EPHA6: variants seen among roughly 807,000 people sequenced by gnomAD.
EPHA6 encodes the protein ephrin type-A receptor 6.
In EPHA6, 50 loss-of-function variants were observed where a neutral mutation model predicts 112.0. The observed-to-expected ratio is 0.45, with a 90% CI of 0.36 to 0.56. The LOEUF is 0.56. EPHA6 is among the 20% of genes least tolerant of loss of function. The pLI, the probability that EPHA6 is intolerant of heterozygous loss-of-function variation, is 0.00. For synonymous variants in EPHA6, 529 were observed against 490.7 expected (o/e 1.08, Z -1.03); for missense variants, 1,280 against 1,417.4 (o/e 0.90, Z 1.56).
At chr3:97,604,917 C>A (rs1256531058) in intron 12 of EPHA6, among the ~76,000 whole-genome samples, 3 of 151,550 alleles carry the variant, frequency 2.0e-5, no homozygotes, top group East Asian at 3.9e-4. Flanking sequence ...ACATTCAACT[C>A]AAAAAATATG....
At chr3:97,082,557 A>G (rs9872845) in intron 3 of EPHA6, among the ~76,000 whole-genome samples, 23,288 of 151,790 alleles carry the variant, frequency 0.15, 1,986 homozygotes, top group Non-Finnish European at 0.2. Flanking sequence ...TTGCCCTTGC[A>G]TACACTCCCT....
At chr3:97,439,985 G>A (rs2107271792) in intron 6 of EPHA6, among the ~76,000 whole-genome samples, 1 of 152,144 alleles carries the variant, frequency 6.6e-6, no homozygotes, top group African/African-American at 2.4e-5. Flanking sequence ...TCAATCAATT[G>A]ACATTACTAA....
intron 5 of EPHA6, among the ~76,000 whole-genome samples, chr3:97,311,017 G>A (rs1280976334): frequency 1.3e-5 from 2 of 151,544 alleles, no homozygotes; most frequent in Non-Finnish European, 3.0e-5. Flanking sequence ...AACCTGATGA[G>A]TAACATAGAA....
At chr3:97,612,601 ATGTTTAGAAGTAG>A (rs2093729785) in intron 13 of EPHA6, 1 of 217,166 alleles carries the variant, frequency 4.6e-6, no homozygotes, top group African/African-American at 2.3e-5. Flanking sequence ...ATCTTACTAC[ATGTTTAGAAGTAG>A]TGTATTTTAT....
chr3:97,671,316 G>A (rs1173434376), intron 14 of EPHA6, among the ~76,000 whole-genome samples: 1 of 152,152 alleles, frequency 6.6e-6, no homozygotes, highest in Non-Finnish European at 1.5e-5. Flanking sequence ...TTCCCAGGAA[G>A]GCTGGAGCAA....
chr3:97,590,554 A>C (rs556326372), intron 11 of EPHA6, among the ~76,000 whole-genome samples: 1 of 152,196 alleles, frequency 6.6e-6, no homozygotes, highest in East Asian at 1.9e-4. Context: ...ACTACTTTAC[A>C]TATTTTTGTT....
rs150563064 is a variant in EPHA6 at position 97,749,452 on chromosome 3, A to T, written c.*751A>T. 6.6e-6 allele frequency among the ~76,000 whole-genome samples: 1 copy of T among 151,938 alleles called. No homozygotes were observed. The highest frequency in any genetic ancestry group is 1.5e-5 in the Non-Finnish European group (1 of 67,958). ...TCTAATTTTATTTATTTATTTATTT[A>T]TTTTTACTAACCGTAGTATATTTCT... On this transcript the variant is annotated 3_prime_UTR_variant, in exon 18 of 18. Transcript: ENST00000389672.
At chr3:96,888,752 G>A (rs890173911) in intron 2 of EPHA6, among the ~76,000 whole-genome samples, 23 of 152,292 alleles carry the variant, frequency 1.5e-4, no homozygotes, top group African/African-American at 5.5e-4. Context: ...CCCTGACATG[G>A]TCTGGAGACA....
intron 2 of EPHA6, among the ~76,000 whole-genome samples, chr3:96,914,655 A>C (rs575507519): frequency 4.6e-5 from 7 of 152,198 alleles, no homozygotes; most frequent in South Asian, 2.1e-4. Context: ...TAGTAGAGAA[A>C]ATCCTGTTAA....
chr3:97,654,826 A>G (rs1481394609), intron 14 of EPHA6, among the ~76,000 whole-genome samples: 1 of 151,832 alleles, frequency 6.6e-6, no homozygotes, highest in Non-Finnish European at 1.5e-5. Flanking sequence ...AAGAGTAGAA[A>G]TTATATTCTA....
chr3:97,602,957 A>G (rs1037928344), intron 12 of EPHA6, among the ~76,000 whole-genome samples: 12 of 152,018 alleles, frequency 7.9e-5, no homozygotes, highest in African/African-American at 2.9e-4. Context: ...ACTATTAATT[A>G]TTACATAACC....
intron 10 of EPHA6, among the ~76,000 whole-genome samples, chr3:97,488,097 A>C (rs181924511): frequency 1.8e-4 from 27 of 152,310 alleles, no homozygotes; most frequent in African/African-American, 5.1e-4. Flanking sequence ...CATTGAAAAA[A>C]TGATTCTTGT....
chr3:97,010,119 A>T, intron 3 of EPHA6: 1 of 1,249,744 alleles, frequency 8.0e-7, no homozygotes, highest in Middle Eastern at 2.8e-4. Flanking sequence ...TTAAACGGTT[A>T]CATTTACAGC....
rs142530549 is a variant in EPHA6 at position 97,035,431 on chromosome 3, C to T, written c.1114+47438C>T. 6.4e-3 allele frequency among the ~76,000 whole-genome samples: 968 copies of T among 151,872 alleles called. 7 individuals carry two copies. Among genetic ancestry groups the T allele is most frequent in the African/African-American group, 0.021 (875 of 41,476 alleles). ...ACACTAGGACTTTTTACATAGTGCC[C>T]TCTTATCATTCTTCTTTTTTTCAAT... On this transcript the variant is annotated intron_variant, in intron 3 of 17. Transcript: ENST00000389672.
chr3:97,456,022 G>A (rs1577462278), intron 7 of EPHA6, among the ~76,000 whole-genome samples: 1 of 149,572 alleles, frequency 6.7e-6, no homozygotes, highest in African/African-American at 2.6e-5. Flanking sequence ...ACTATTAACA[G>A]GTACTTAGAT....
intron 1 of EPHA6, among the ~76,000 whole-genome samples, chr3:96,845,118 A>C (rs544971212): frequency 6.6e-6 from 1 of 152,100 alleles, no homozygotes; most frequent in African/African-American, 2.4e-5. Flanking sequence ...TCTTTTTTTA[A>C]ACGAGGAAAG....
At chr3:96,993,710 G>A (rs892605579) in intron 3 of EPHA6, among the ~76,000 whole-genome samples, 4 of 152,126 alleles carry the variant, frequency 2.6e-5, no homozygotes, top group African/African-American at 9.7e-5. Context: ...GGACACTGCT[G>A]GAGCAAGATT....
At chr3:97,004,237 T>C (rs1192913393) in intron 3 of EPHA6, among the ~76,000 whole-genome samples, 1 of 152,188 alleles carries the variant, frequency 6.6e-6, no homozygotes, top group Admixed American at 6.6e-5. Context: ...CCATAATGGT[T>C]GAACTAATTT....
intron 3 of EPHA6, among the ~76,000 whole-genome samples, chr3:97,146,120 T>C (rs1050608233): frequency 6.6e-6 from 1 of 151,874 alleles, no homozygotes; most frequent in Non-Finnish European, 1.5e-5. Context: ...AATAAAGTAC[T>C]AATTTTAACT....
Sources: gnomAD v4.1 joint callset for allele counts (sites outside exome capture counted in the v4.1 genomes callset) on GRCh38, gnomAD v4.1.1 for gene constraint, MANE v1.5 for transcripts, NCBI Gene and HGNC (gene_info 2026-07-23, HGNC 2026-07-21) for gene names.